KCNT2: variants seen among roughly 807,000 people sequenced by gnomAD.
The protein encoded by KCNT2 is potassium sodium-activated channel subfamily T member 2.
A neutral mutation model predicts 153.8 loss-of-function variants in KCNT2; 67 were observed. The observed-to-expected ratio is 0.44, with a 90% CI of 0.36 to 0.53. The LOEUF (loss-of-function observed/expected upper bound fraction) is 0.53. Ranked by LOEUF, KCNT2 falls within the 20% of genes least tolerant of loss-of-function variation. KCNT2 has a pLI of 0.00. For missense variants in KCNT2, 975 were observed against 1,354.8 expected (o/e 0.72, Z 4.40); for synonymous variants, 500 against 458.8 (o/e 1.09, Z -1.15).
At chr1:196,309,893 T>C (rs2147997434) in intron 21 of KCNT2, among the ~76,000 whole-genome samples, 1 of 151,862 alleles carries the variant, frequency 6.6e-6, no homozygotes, top group East Asian at 1.9e-4. Flanking sequence ...GAAGATATAG[T>C]TTGTTCTATT....
At chr1:196,506,697 T>C (rs2148783890) in intron 1 of KCNT2, among the ~76,000 whole-genome samples, 1 of 152,266 alleles carries the variant, frequency 6.6e-6, no homozygotes, top group East Asian at 1.9e-4. Context: ...ATAACTCAAT[T>C]ACAACATCAC....
chr1:196,397,576 G>A (rs1326321069), intron 13 of KCNT2, among the ~76,000 whole-genome samples: 1 of 151,276 alleles, frequency 6.6e-6, no homozygotes, highest in African/African-American at 2.4e-5. Flanking sequence ...AACCAGAGTT[G>A]GAAGCTATTA....
intron 5 of KCNT2, among the ~76,000 whole-genome samples, chr1:196,478,337 T>C (rs529238777): frequency 1.3e-5 from 2 of 152,336 alleles, no homozygotes; most frequent in South Asian, 4.1e-4. Context: ...GATTCTGAAC[T>C]AATATTCCTA....
intron 1 of KCNT2, among the ~76,000 whole-genome samples, chr1:196,563,847 T>C (rs2148930464): frequency 6.6e-6 from 1 of 151,992 alleles, no homozygotes; most frequent in East Asian, 1.9e-4. Flanking sequence ...AAAGTACATG[T>C]AGAATAAACC....
intron 15 of KCNT2, among the ~76,000 whole-genome samples, chr1:196,341,272 A>C (rs1007872929): frequency 2.0e-5 from 3 of 152,034 alleles, no homozygotes; most frequent in African/African-American, 7.2e-5. Flanking sequence ...AAATCATCTA[A>C]TACCAAGCCT....
chr1:196,264,111 A>C (rs1657289129), intron 25 of KCNT2, among the ~76,000 whole-genome samples: 1 of 152,090 alleles, frequency 6.6e-6, no homozygotes, highest in South Asian at 2.1e-4. Flanking sequence ...CTGGTTTATA[A>C]GGCTTCAATT....
intron 1 of KCNT2, among the ~76,000 whole-genome samples, chr1:196,588,385 C>T (rs1662946551): frequency 6.6e-6 from 1 of 152,002 alleles, no homozygotes; most frequent in Non-Finnish European, 1.5e-5. Context: ...TGAATATTAT[C>T]TATTTTTATC....
intron 1 of KCNT2, among the ~76,000 whole-genome samples, chr1:196,526,979 G>C (rs890666264): frequency 6.6e-6 from 1 of 152,142 alleles, no homozygotes. Flanking sequence ...CTCCTGCAGC[G>C]ACATTAGTTT....
At chr1:196,499,484 T>C (rs1327928793) in intron 1 of KCNT2, among the ~76,000 whole-genome samples, 1 of 152,238 alleles carries the variant, frequency 6.6e-6, no homozygotes, top group Non-Finnish European at 1.5e-5. Context: ...GATTAAGAGA[T>C]AAATTCCTGA....
At chr1:196,271,204 T>G (rs1436462056) in intron 25 of KCNT2, among the ~76,000 whole-genome samples, 1 of 152,058 alleles carries the variant, frequency 6.6e-6, no homozygotes, top group African/African-American at 2.4e-5. Flanking sequence ...ATATTTGTAT[T>G]CTTATGTAAA....
chr1:196,442,174 A>G (rs1412817037), intron 8 of KCNT2, among the ~76,000 whole-genome samples: 2 of 151,812 alleles, frequency 1.3e-5, no homozygotes, highest in Non-Finnish European at 2.9e-5. Context: ...TTATAAAATT[A>G]TTTTCACGTT....
intron 25 of KCNT2, among the ~76,000 whole-genome samples, chr1:196,267,389 T>C (rs1175986167): frequency 6.6e-6 from 1 of 152,178 alleles, no homozygotes; most frequent in Non-Finnish European, 1.5e-5. Flanking sequence ...GTATCCACAA[T>C]GTTAAGACAA....
intron 22 of KCNT2, among the ~76,000 whole-genome samples, chr1:196,304,293 A>G: frequency 6.6e-6 from 1 of 152,196 alleles, no homozygotes. Flanking sequence ...ACCAAAAAAT[A>G]TAAGGCATCA....
chr1:196,367,996 G>C (rs1294105938), intron 14 of KCNT2, among the ~76,000 whole-genome samples: 1 of 152,036 alleles, frequency 6.6e-6, no homozygotes, highest in African/African-American at 2.4e-5. Context: ...AAGACTATAG[G>C]GTAAAGATGT....
intron 12 of KCNT2, among the ~76,000 whole-genome samples, chr1:196,420,805 A>G (rs1400247098): frequency 6.6e-6 from 1 of 152,044 alleles, no homozygotes; most frequent in Admixed American, 6.6e-5. Flanking sequence ...TAATTTTAGC[A>G]TGGTGCCTAG....
chr1:196,444,231 C>T (rs528987377), intron 8 of KCNT2, among the ~76,000 whole-genome samples: 1 of 151,458 alleles, frequency 6.6e-6, no homozygotes, highest in East Asian at 2.0e-4. Flanking sequence ...ATAAACTTTT[C>T]TGACTTTAAT....
rs1055801028 is a variant in KCNT2, at chr1:196,228,108, C to T, written c.*116G>A. On this transcript the variant is annotated 3_prime_UTR_variant, in exon 28 of 28. Transcript: ENST00000294725. ...TCTATACTTCTAAGAGAAGAGATTA[C>T]GTTTTTAAATATGAGAGAATTACAT... 3.0e-5 allele frequency: 19 copies of T among 622,960 alleles called. No homozygotes were observed. Among genetic ancestry groups the T allele is most frequent in the Non-Finnish European group, 3.7e-5 (13 of 348,760 alleles). 38.6% of individuals were successfully genotyped at this position (622,960 alleles called of 1,614,324 possible).
rs548991823 is a variant in KCNT2 at position 196,522,676 on chromosome 1, T to A, written c.96-30335A>T. ...TAAACGCACCAATCAGTGCTCTGTG[T>A]CTAGCTAAAGGATTGTGAATGCACC... On this transcript the variant is annotated intron_variant, in intron 1 of 27. Coordinates refer to ENST00000294725, the MANE Select transcript of KCNT2 (RefSeq NM_198503.5). Among the ~76,000 whole-genome samples, 14 of 152,292 alleles carry A rather than the reference T, an allele frequency of 9.2e-5. No homozygotes were observed. In the East Asian group the frequency reaches 2.5e-3, roughly 27 times the overall value.
chr1:196,513,701 A>T (rs1005384822), intron 1 of KCNT2, among the ~76,000 whole-genome samples: 2 of 152,126 alleles, frequency 1.3e-5, no homozygotes, highest in Non-Finnish European at 2.9e-5. Flanking sequence ...GAAGTGACAC[A>T]CATGTGTTCT....
Sources: allele counts gnomAD v4.1 joint callset (sites outside exome capture counted in the v4.1 genomes callset), GRCh38; gene constraint gnomAD v4.1.1; transcripts MANE v1.5; gene names NCBI Gene and HGNC (gene_info 2026-07-23, HGNC 2026-07-21).